The following RFC3 variants were observed in gnomAD, a reference collection of about 807,000 sequenced individuals.
The protein encoded by RFC3 is A1 38 kDa subunit.
Under a neutral mutation model 45.1 loss-of-function variants are expected in RFC3, and 41 were observed. The ratio of observed to expected loss-of-function variants is 0.91; its 90% CI spans 0.71 to 1.18. RFC3 has a LOEUF of 1.18. Among genes scored for constraint, RFC3 ranks in the 50% most tolerant of loss-of-function variants. The pLI is 0.00. For missense variants in RFC3, 423 were observed against 428.1 expected (o/e 0.99, Z 0.10); for synonymous variants, 149 against 144.0 (o/e 1.03, Z -0.25).
downstream of RFC3, among the ~76,000 whole-genome samples, chr13:33,842,354 A>C (rs1200393803): frequency 6.6e-6 from 1 of 152,128 alleles, no homozygotes; most frequent in Non-Finnish European, 1.5e-5. Flanking sequence ...CATTCTGAGT[A>C]ATGTAATACG....
intron 8 of RFC3, among the ~76,000 whole-genome samples, chr13:33,879,715 A>AT (rs1372246503): frequency 2.6e-5 from 4 of 152,212 alleles, no homozygotes; most frequent in African/African-American, 9.6e-5. Context: ...GCTGGAACAA[A>AT]TTACCAACAA....
intron 8 of RFC3, among the ~76,000 whole-genome samples, chr13:33,938,184 C>CAAAAAAAAAAAAA (rs34685731): frequency 8.5e-5 from 6 of 70,776 alleles, no homozygotes; most frequent in African/African-American, 1.2e-4. Flanking sequence ...AGTCCAACTG[C>CAAAAAAAAAAAAA]AAAAAAAAAA....
At position 33,835,208 on chromosome 13, in the gene RFC3, A is replaced by G; in HGVS notation, c.870A>G (p.Ile290Met). 2 of 1,607,084 alleles carry G rather than the reference A, an allele frequency of 1.2e-6. No individual in the cohort carries two copies. The highest frequency in any genetic ancestry group is 1.7e-5 in the Admixed American group (1 of 59,942). The change falls in exon 8 of 9, where the codon ATA becomes ATG. Residue 290 changes from isoleucine to methionine, a missense_variant. Coordinates refer to ENST00000380071, the MANE Select transcript of RFC3 (RefSeq NM_002915.4). Reference sequence around the variant, plus strand: ...TAACTCATTGTATTCCTCCTGAGATAATAATGAAGGTAACCCAATTTCAGA... The same window carrying G: ...TAACTCATTGTATTCCTCCTGAGATGATAATGAAGGTAACCCAATTTCAGA... ...ELLTHCIPPE[I>M]IMKGLLSELL...
intron 3 of RFC3, 46 bp downstream of exon 3, chr13:33,824,030 T>C (rs1566377377): frequency 3.1e-6 from 3 of 953,906 alleles, no homozygotes; most frequent in African/African-American, 1.7e-5. Context: ...AAGAAATTGG[T>C]TTTGGGCTTT....
At chr13:33,864,772 C>T (rs1417104291) in intron 8 of RFC3, among the ~76,000 whole-genome samples, 1 of 151,940 alleles carries the variant, frequency 6.6e-6, no homozygotes, top group Non-Finnish European at 1.5e-5. Flanking sequence ...ATTTTAGATA[C>T]TTTATGGAGT....
Position 33,836,881 on chromosome 13 carries a change from C to T in RFC3, c.*586C>T, listed in dbSNP as rs1021801472. ...TATTAGGTCGGTACTAAGAAATAAG[C>T]ATGTTTTCACTAATTTAAGTACTTG... On this transcript the variant is annotated 3_prime_UTR_variant, in exon 9 of 9. Coordinates refer to ENST00000380071, the MANE Select transcript of RFC3 (RefSeq NM_002915.4). 7 of 983,696 alleles carry T rather than the reference C, an allele frequency of 7.1e-6. No homozygotes were observed. The Admixed American group carries it at 4.3e-4, about 61-fold the overall frequency. 60.9% of individuals were successfully genotyped at this position (983,696 alleles called of 1,614,324 possible).
rs554617315 is a variant in RFC3 at position 33,866,837 on chromosome 13, T to G, written c.879+31620T>G. The stretch of plus-strand genomic sequence containing the variant: ...AAGGCCTACCAGGAGGAATAGGTAT[T>G]TAAAAAGCCAGATGATAATTAGGGT... On this transcript the variant is annotated intron_variant, in intron 8 of 8. Transcript: ENST00000434425. Among the ~76,000 whole-genome samples, 89 of 152,266 alleles carry G rather than the reference T, an allele frequency of 5.8e-4. 2 individuals carry two copies. The highest frequency in any genetic ancestry group is 5.6e-4 in the Non-Finnish European group (38 of 68,002).
chr13:33,836,044 A>G (rs1566386651), intron 8 of RFC3, 60 bp from the exon 9 acceptor site: 2 of 1,502,378 alleles, frequency 1.3e-6, no homozygotes, highest in Non-Finnish European at 1.8e-6. Flanking sequence ...AATGGGAGAA[A>G]TAAGGCATGC....
rs560037747 is a variant in RFC3, at chr13:33,887,248, C to T, written c.879+52031C>T. On this transcript the variant is annotated intron_variant, in intron 8 of 8. Coordinates refer to the RFC3 transcript ENST00000434425. Reference sequence around the variant, plus strand: ...ATGGTTGAACTAGTTTACAGTCCCACCAACAGTGTAAAAGTGTTCCTATTT... The same window carrying T: ...ATGGTTGAACTAGTTTACAGTCCCATCAACAGTGTAAAAGTGTTCCTATTT... Among the ~76,000 whole-genome samples the T allele has an allele frequency of 1.4e-3, 215 of 149,426 alleles. 1 individual carries two copies. The highest frequency in any genetic ancestry group is 5.0e-3 in the African/African-American group (202 of 40,134).
At chr13:33,841,108 C>T (rs2082195021), downstream of RFC3, among the ~76,000 whole-genome samples, 1 of 152,278 alleles carries the variant, frequency 6.6e-6, no homozygotes, top group Non-Finnish European at 1.5e-5. Context: ...GGAGTGGGAA[C>T]TCTGTTGTGA....
At chr13:33,838,471 C>T (rs930849912), downstream of RFC3, among the ~76,000 whole-genome samples, 1 of 152,148 alleles carries the variant, frequency 6.6e-6, no homozygotes, top group African/African-American at 2.4e-5. Flanking sequence ...ATATGTCATT[C>T]TGCTGCCTTC....
At chr13:33,955,416 G>A (rs1048839272) in intron 8 of RFC3, among the ~76,000 whole-genome samples, 1 of 152,134 alleles carries the variant, frequency 6.6e-6, no homozygotes, top group African/African-American at 2.4e-5. Flanking sequence ...AAAAAAATTT[G>A]CTACAGTGCA....
At chr13:33,819,283 G>C (rs576867639) in intron 1 of RFC3, among the ~76,000 whole-genome samples, 15 of 152,172 alleles carry the variant, frequency 9.9e-5, no homozygotes, top group African/African-American at 3.6e-4. Context: ...GCAATATTTT[G>C]TGAGAACGAA....
chr13:33,842,736 T>G (rs1322269066), intron 8 of RFC3, among the ~76,000 whole-genome samples: 1 of 152,198 alleles, frequency 6.6e-6, no homozygotes, highest in Non-Finnish European at 1.5e-5. Context: ...CCTTACTGGT[T>G]GCTTTATATA....
intron 8 of RFC3, among the ~76,000 whole-genome samples, chr13:33,946,663 T>C (rs2082956315): frequency 6.6e-6 from 1 of 152,242 alleles, no homozygotes; most frequent in African/African-American, 2.4e-5. Context: ...ACAAATCTAC[T>C]GCACATGCAG....
chr13:33,974,464 C>G, the RFC3 span, among the ~76,000 whole-genome samples: 1 of 152,168 alleles, frequency 6.6e-6, no homozygotes, highest in African/African-American at 2.4e-5. Flanking sequence ...TCCCTAACCT[C>G]TACCTCTTCC....
chr13:33,962,743 T>TTATG (rs972094504), intron 8 of RFC3, among the ~76,000 whole-genome samples: 24 of 152,132 alleles, frequency 1.6e-4, no homozygotes, highest in Admixed American at 2.0e-4. Flanking sequence ...CCAAATAGTG[T>TTATG]TATGTATGTA....
intron 8 of RFC3, among the ~76,000 whole-genome samples, chr13:33,941,933 A>C (rs1333939696): frequency 6.6e-6 from 1 of 152,092 alleles, no homozygotes; most frequent in Non-Finnish European, 1.5e-5. Context: ...ATACATTTTA[A>C]AATGTTTTTA....
In RFC3 at chr13:33,830,687, G is replaced by A. The variant is rs201858473; in HGVS notation, c.574-32G>A. The A allele has an allele frequency of 5.0e-5, 79 of 1,578,890 alleles. No homozygotes were observed. The African/African-American group carries it at 1.0e-3, about 21-fold the overall frequency. On this transcript the variant is annotated intron_variant, in intron 5 of 8. Transcript: ENST00000380071. ...AATGAATCTTAATCTGCTTTTTAATGGATTGCCCATTTTTGTTAATTTTAT... is the reference window on the plus strand; with the variant it reads ...AATGAATCTTAATCTGCTTTTTAATAGATTGCCCATTTTTGTTAATTTTAT...
Sources: allele counts gnomAD v4.1 joint callset (sites outside exome capture counted in the v4.1 genomes callset), GRCh38; gene constraint gnomAD v4.1.1; transcripts MANE v1.5; gene names NCBI Gene and HGNC (gene_info 2026-07-23, HGNC 2026-07-21).